PXDNL: variants seen among roughly 807,000 people sequenced by gnomAD.
PXDNL encodes peroxidasin like.
In PXDNL, 145 loss-of-function variants were observed where a neutral mutation model predicts 150.8. The observed-to-expected ratio is 0.96, with a 90% CI of 0.84 to 1.10. PXDNL has a LOEUF of 1.10. Ranked by LOEUF, PXDNL falls within the 50% of genes least tolerant of loss-of-function variation. The pLI is 0.00. For synonymous variants in PXDNL, 757 were observed against 725.7 expected, an observed-to-expected ratio of 1.04 and a Z score of -0.69; for missense variants, 2,087 against 1,873.9, an observed-to-expected ratio of 1.11 and a Z score of -2.10.
rs1291767427 is a variant in PXDNL at position 51,319,974 on chromosome 8, G to A, written c.4309C>T (p.Pro1437Ser). Residue 1437 changes from proline (P) to serine (S), a missense_variant, in exon 23 of 23, where the codon CCC becomes TCC. Physicochemically the swap from Pro to Ser is moderately conservative, Grantham distance 74 (BLOSUM62 -1). Coordinates refer to ENST00000356297, the MANE Select transcript of PXDNL (RefSeq NM_144651.5). ...VVEICPPAPC[P>S]SPELVKGTCC... ...GTTCCTTTCACCAATTCAGGACTGG[G>A]ACAGGGAGCCGGGGGACAAATCTCC... The A allele has an allele frequency of 6.3e-7, 1 of 1,576,724 alleles. No homozygotes were observed. Among genetic ancestry groups the A allele is most frequent in the Non-Finnish European group, 8.6e-7 (1 of 1,161,956 alleles).
At chr8:51,364,888 C>T (rs1806866680) in intron 19 of PXDNL, among the ~76,000 whole-genome samples, 1 of 152,134 alleles carries the variant, frequency 6.6e-6, no homozygotes, top group Non-Finnish European at 1.5e-5. Flanking sequence ...ATGATAGGCT[C>T]TTATAGCAGA....
chr8:51,714,224 T>A (rs1012548870), intron 1 of PXDNL, among the ~76,000 whole-genome samples: 1 of 152,240 alleles, frequency 6.6e-6, no homozygotes, highest in Non-Finnish European at 1.5e-5. Context: ...TATGCCCATA[T>A]TTTGTGCACC....
intron 8 of PXDNL, among the ~76,000 whole-genome samples, chr8:51,459,615 G>A (rs902754429): frequency 1.8e-4 from 28 of 151,956 alleles, no homozygotes; most frequent in South Asian, 8.3e-4. Flanking sequence ...TAACCTCTTC[G>A]TTATGCTCAT....
intron 2 of PXDNL, among the ~76,000 whole-genome samples, chr8:51,600,202 A>G (rs891946117): frequency 9.9e-5 from 14 of 141,876 alleles, no homozygotes; most frequent in Admixed American, 6.5e-4. Flanking sequence ...TATCGTTTAG[A>G]TAATAAATTA....
In PXDNL at chr8:51,760,845, C is replaced by CTTTTTTTTTTTTTTTTTTTTTTTTTTT. The variant is rs71237237; in HGVS notation, c.164+48309_164+48335dup. Among the ~76,000 whole-genome samples the CTTTTTTTTTTTTTTTTTTTTTTTTTTT allele has an allele frequency of 8.8e-5, 4 of 45,492 alleles. 2 individuals carry two copies. Among genetic ancestry groups the CTTTTTTTTTTTTTTTTTTTTTTTTTTT allele is most frequent in the Non-Finnish European group, 7.5e-5 (2 of 26,652 alleles). 29.8% of individuals were successfully genotyped at this position (45,492 alleles called of 152,430 possible). ...GTTAGCCTGAAGGAAATCACTTAAA[C>CTTTTTTTTTTTTTTTTTTTTTTTTTTT]TTTTTTTTTTTTTTTTTTTTTTTTT... On this transcript the variant is annotated intron_variant, in intron 1 of 22. Coordinates refer to ENST00000356297, the MANE Select transcript of PXDNL (RefSeq NM_144651.5).
At chr8:51,721,409 G>A (rs955020688) in intron 1 of PXDNL, among the ~76,000 whole-genome samples, 2 of 152,052 alleles carry the variant, frequency 1.3e-5, no homozygotes, top group African/African-American at 4.8e-5. Context: ...AAATATTATA[G>A]ATTTAGATTT....
intron 1 of PXDNL, among the ~76,000 whole-genome samples, chr8:51,736,760 T>C (rs1817047610): frequency 6.6e-6 from 1 of 152,356 alleles, no homozygotes. Context: ...GAATAAATGA[T>C]AAGTTCATCA....
chr8:51,459,065 A>G (rs16916349), intron 8 of PXDNL, among the ~76,000 whole-genome samples: 1,558 of 152,312 alleles, frequency 0.01, 21 homozygotes, highest in South Asian at 0.055. Flanking sequence ...AAAAGGAGAA[A>G]CTGGATGCTC....
In PXDNL at chr8:51,448,371, A is replaced by G. The variant is rs554746468; in HGVS notation, c.1366+631T>C. 1.2e-4 allele frequency among the ~76,000 whole-genome samples: 18 copies of G among 152,326 alleles called. No homozygotes were observed. In the East Asian group the frequency reaches 3.5e-3, roughly 29 times the overall value. On this transcript the variant is annotated intron_variant, in intron 11 of 22. Transcript: ENST00000356297. Reference sequence around the variant, plus strand: ...TTCACTTGTGATTTCATTTTGTACTAGAAGAAAATTATCCCACTGAAAAAA... The same window carrying G: ...TTCACTTGTGATTTCATTTTGTACTGGAAGAAAATTATCCCACTGAAAAAA...
intron 2 of PXDNL, among the ~76,000 whole-genome samples, chr8:51,624,599 A>G (rs1489552320): frequency 6.6e-6 from 1 of 150,634 alleles, no homozygotes; most frequent in Admixed American, 6.6e-5. Flanking sequence ...AATTACCAAC[A>G]TTAAAAATAA....
chr8:51,352,218 G>C (rs1712739282), intron 19 of PXDNL, among the ~76,000 whole-genome samples: 1 of 152,116 alleles, frequency 6.6e-6, no homozygotes, highest in Admixed American at 6.6e-5. Context: ...ACTACCATTT[G>C]ATCCAGCAAT....
At chr8:51,349,667 A>C (rs1338009433) in intron 19 of PXDNL, among the ~76,000 whole-genome samples, 1 of 152,226 alleles carries the variant, frequency 6.6e-6, no homozygotes, top group Non-Finnish European at 1.5e-5. Context: ...ATATGTCTGA[A>C]TATTGCAGTT....
chr8:51,590,875 T>A (rs1813429520), intron 3 of PXDNL, among the ~76,000 whole-genome samples: 1 of 152,186 alleles, frequency 6.6e-6, no homozygotes, highest in South Asian at 2.1e-4. Flanking sequence ...TTGGGGCCAC[T>A]GAGATGGAAT....
chr8:51,546,065 C>T (rs1474953985), intron 4 of PXDNL, among the ~76,000 whole-genome samples: 2 of 152,182 alleles, frequency 1.3e-5, no homozygotes, highest in African/African-American at 4.8e-5. Flanking sequence ...ACATTGTGAA[C>T]TCTTGCTTCA....
chr8:51,326,578 A>G (rs1398500292), intron 21 of PXDNL, among the ~76,000 whole-genome samples: 3 of 152,210 alleles, frequency 2.0e-5, no homozygotes, highest in African/African-American at 7.2e-5. Flanking sequence ...TTCTCATTAG[A>G]CACTATTTCA....
chr8:51,704,086 T>C (rs556990793), intron 1 of PXDNL, among the ~76,000 whole-genome samples: 43 of 152,300 alleles, frequency 2.8e-4, no homozygotes, highest in Admixed American at 8.5e-4. Context: ...TATGTGCCCC[T>C]TTCTGGTCTC....
intron 1 of PXDNL, among the ~76,000 whole-genome samples, chr8:51,696,831 A>AAC (rs1563510387): frequency 6.7e-6 from 1 of 149,586 alleles, no homozygotes; most frequent in Non-Finnish European, 1.5e-5. Context: ...ACACACACAC[A>AAC]CACACACAGG....
chr8:51,747,728 CTCTG>C (rs2037000952), intron 1 of PXDNL, among the ~76,000 whole-genome samples: 1 of 152,216 alleles, frequency 6.6e-6, no homozygotes, highest in East Asian at 1.9e-4. Flanking sequence ...GTCACAGTAG[CTCTG>C]TCTTTTAGCT....
chr8:51,685,897 G>A, intron 1 of PXDNL, among the ~76,000 whole-genome samples: 1 of 152,132 alleles, frequency 6.6e-6, no homozygotes, highest in East Asian at 1.9e-4. Flanking sequence ...TGTACCCACA[G>A]CAACAAATAT....
Sources: allele counts gnomAD v4.1 joint callset (sites outside exome capture counted in the v4.1 genomes callset), GRCh38; gene constraint gnomAD v4.1.1; transcripts MANE v1.5; gene names NCBI Gene and HGNC (gene_info 2026-07-23, HGNC 2026-07-21).